Variants in TMPO observed in about 807,000 individuals in gnomAD.
TMPO encodes the protein thymopoietin.
TMPO carries 22 observed loss-of-function variants against 45.4 expected under a neutral mutation model. That is an observed-to-expected ratio of 0.48 (90% CI 0.35 to 0.69). The LOEUF (loss-of-function observed/expected upper bound fraction) is 0.69, where lower values mean the gene tolerates loss of function less well. Among genes scored for constraint, TMPO ranks in the 30% least tolerant of loss-of-function variants. TMPO has a pLI of 0.01. For synonymous variants in TMPO, 241 were observed against 204.1 expected, an observed-to-expected ratio of 1.18 and a Z score of -1.54; for missense variants, 512 against 548.8, an observed-to-expected ratio of 0.93 and a Z score of 0.67.
intron 3 of TMPO, chr12:98,535,441 G>A (rs1026424058): frequency 1.0e-6 from 1 of 985,074 alleles, no homozygotes; most frequent in African/African-American, 1.7e-5. Flanking sequence ...TGGTCTCTTG[G>A]GTACTCCCTC....
chr12:98,523,658 A>G (rs1232729409), intron 1 of TMPO, among the ~76,000 whole-genome samples: 2 of 151,992 alleles, frequency 1.3e-5, no homozygotes, highest in Non-Finnish European at 2.9e-5. Flanking sequence ...TGTTTGAAGG[A>G]AATATAATTG....
At chr12:98,537,616 T>TC (rs1565813922) in intron 4 of TMPO, 44 bp downstream of exon 4, 1 of 1,407,028 alleles carries the variant, frequency 7.1e-7, no homozygotes, top group Admixed American at 1.8e-5. Context: ...ATAAATAACC[T>TC]CCTGACAACA....
chr12:98,527,777 A>G (rs1876888212), intron 1 of TMPO, 109 bp from the exon 2 acceptor site: 1 of 1,273,580 alleles, frequency 7.9e-7, no homozygotes, highest in Admixed American at 1.8e-5. Context: ...GCCTAATATT[A>G]CTATAAACCA....
At chr12:98,517,891 G>A (rs1875996531) in intron 1 of TMPO, among the ~76,000 whole-genome samples, 1 of 152,224 alleles carries the variant, frequency 6.6e-6, no homozygotes, top group Non-Finnish European at 1.5e-5. Context: ...GGCCGGGCGC[G>A]GTGGCTCACG....
At chr12:98,540,159 T>A (rs1251099901) in intron 4 of TMPO, among the ~76,000 whole-genome samples, 1 of 152,218 alleles carries the variant, frequency 6.6e-6, no homozygotes, top group African/African-American at 2.4e-5. Context: ...CCCAACATTC[T>A]GGATTTGTTA....
intron 1 of TMPO, among the ~76,000 whole-genome samples, chr12:98,518,418 G>A (rs1876057608): frequency 6.7e-6 from 1 of 149,996 alleles, no homozygotes; most frequent in African/African-American, 2.5e-5. Context: ...CAGCTTCCCT[G>A]AGTAGCAAGG....
chr12:98,531,613 G>A (rs1877196502), intron 2 of TMPO, 67 bp from the exon 3 acceptor site: 2 of 1,485,124 alleles, frequency 1.3e-6, no homozygotes, highest in Non-Finnish European at 1.9e-6. Flanking sequence ...TGTTGCTGAA[G>A]ATAGTGTCTG....
chr12:98,526,787 G>A (rs1169095317), intron 1 of TMPO, among the ~76,000 whole-genome samples: 16 of 151,974 alleles, frequency 1.1e-4, no homozygotes, highest in Admixed American at 6.6e-5. Context: ...TTGAAACCCC[G>A]TCTCTACTAA....
intron 2 of TMPO, among the ~76,000 whole-genome samples, chr12:98,531,331 A>G (rs919938628): frequency 2.0e-5 from 3 of 146,460 alleles, no homozygotes; most frequent in Non-Finnish European, 4.5e-5. Context: ...CTGCCTTCCA[A>G]TTTCAAGTGA....
intron 1 of TMPO, among the ~76,000 whole-genome samples, chr12:98,522,292 G>C (rs867792799): frequency 6.6e-6 from 1 of 152,274 alleles, no homozygotes; most frequent in Non-Finnish European, 1.5e-5. Context: ...TGGGATTGTA[G>C]GTGTGAGCTG....
chr12:98,516,986 T>A (rs1468193462), intron 1 of TMPO, among the ~76,000 whole-genome samples: 1 of 152,146 alleles, frequency 6.6e-6, no homozygotes, highest in Non-Finnish European at 1.5e-5. Flanking sequence ...ATTTGTGTAT[T>A]TTTTAGTAGA....
intron 2 of TMPO, among the ~76,000 whole-genome samples, chr12:98,529,054 A>AT (rs531249192): frequency 0.25 from 34,457 of 139,930 alleles, 4,613 homozygotes; most frequent in Non-Finnish European, 0.32. Context: ...CTAGTACCCT[A>AT]TTTTTTTTTT....
intron 7 of TMPO, among the ~76,000 whole-genome samples, 200 bp from the exon 8 acceptor site, chr12:98,546,159 A>G (rs1878216072): frequency 6.6e-6 from 1 of 152,240 alleles, no homozygotes; most frequent in Non-Finnish European, 1.5e-5. Context: ...ATAACCACAT[A>G]TATAAGGTAT....
intron 1 of TMPO, among the ~76,000 whole-genome samples, chr12:98,525,287 A>C (rs1876680395): frequency 6.6e-6 from 1 of 152,084 alleles, no homozygotes; most frequent in Admixed American, 6.6e-5. Context: ...AAGTACTCTC[A>C]CTGTAACTCT....
chr12:98,535,878 C>T (rs770493603), intron 3 of TMPO, among the ~76,000 whole-genome samples: 1 of 152,078 alleles, frequency 6.6e-6, no homozygotes, highest in Admixed American at 6.5e-5. Flanking sequence ...ATACCTTATT[C>T]GTTTAACCGA....
At chr12:98,523,974 G>T (rs945474492) in intron 1 of TMPO, among the ~76,000 whole-genome samples, 3 of 152,162 alleles carry the variant, frequency 2.0e-5, no homozygotes, top group Non-Finnish European at 2.9e-5. Context: ...CCACTGCCGA[G>T]AATTGGTTTT....
At chr12:98,523,428 C>T (rs117632779) in intron 1 of TMPO, among the ~76,000 whole-genome samples, 1,875 of 151,798 alleles carry the variant, frequency 0.012, 18 homozygotes, top group Middle Eastern at 0.02. Flanking sequence ...TATGGTGTTG[C>T]GCGCTTGTAA....
intron 4 of TMPO, among the ~76,000 whole-genome samples, chr12:98,541,579 T>A (rs1877917905): frequency 6.6e-6 from 1 of 152,210 alleles, no homozygotes; most frequent in Non-Finnish European, 1.5e-5. Flanking sequence ...CACTAGAATG[T>A]AATGTCAAAA....
chr12:98,544,636 ATGT>A, intron 6 of TMPO, 99 bp downstream of exon 6: 2 of 920,518 alleles, frequency 2.2e-6, no homozygotes, highest in Non-Finnish European at 3.2e-6. Flanking sequence ...TCAAATTTAC[ATGT>A]TTTTTTTTTT....
Sources: gnomAD v4.1 joint callset for allele counts (sites outside exome capture counted in the v4.1 genomes callset) on GRCh38, gnomAD v4.1.1 for gene constraint, MANE v1.5 for transcripts, NCBI Gene and HGNC (gene_info 2026-07-23, HGNC 2026-07-21) for gene names.